The following RNF217 variants were observed in gnomAD, a reference collection of about 807,000 sequenced individuals.
RNF217 encodes E3 ubiquitin-protein ligase RNF217.
In RNF217, 31 loss-of-function variants were observed where a neutral mutation model predicts 57.8. The ratio of observed to expected loss-of-function variants is 0.54; its 90% CI spans 0.40 to 0.72. RNF217 has a LOEUF of 0.72. RNF217 is among the 30% of genes least tolerant of loss of function. RNF217 has a pLI of 0.00. For synonymous variants in RNF217, 313 were observed against 294.0 expected (o/e 1.06, Z -0.66); for missense variants, 696 against 708.3 (o/e 0.98, Z 0.20).
chr6:125,000,079 C>T (rs1484433962), intron 1 of RNF217, among the ~76,000 whole-genome samples: 4 of 152,030 alleles, frequency 2.6e-5, no homozygotes, highest in African/African-American at 9.7e-5. Context: ...GCTAGAGAAA[C>T]CTTGGCTTAT....
At chr6:125,046,851 T>G (rs990769984) in intron 2 of RNF217, among the ~76,000 whole-genome samples, 1 of 152,056 alleles carries the variant, frequency 6.6e-6, no homozygotes, top group South Asian at 2.1e-4. Context: ...ATAGTTAATT[T>G]ATTTACTGTT....
chr6:125,080,850 A>G (rs1788548462), intron 4 of RNF217, among the ~76,000 whole-genome samples: 1 of 152,108 alleles, frequency 6.6e-6, no homozygotes, highest in Non-Finnish European at 1.5e-5. Context: ...CACTTGAGTA[A>G]CTTTCAACGT....
chr6:125,057,966 G>A lies in RNF217; in HGVS notation c.1141G>A (p.Val381Ile), dbSNP rs475076. 6,724 of 1,610,232 alleles carry A rather than the reference G, an allele frequency of 4.2e-3. 210 individuals carry two copies. The African/African-American group carries it at 0.075, about 18-fold the overall frequency. ...YKIQCPTCQFVWCFKCHSPWH... is the reference protein window; with the variant it reads ...YKIQCPTCQFIWCFKCHSPWH... ...GATCCAGTGCCCTACCTGCCAATTC[G>A]TCTGGTGTTTTAAGTGCCACTCTCC... Residue 381 changes from valine to isoleucine, a missense_variant, in exon 3 of 6, where the codon GTC becomes ATC. Physicochemically the swap from Val to Ile is conservative, Grantham distance 29 (BLOSUM62 3). Coordinates refer to ENST00000521654, the MANE Select transcript of RNF217 (RefSeq NM_001286398.3).
At position 125,086,094 on chromosome 6, in the gene RNF217, A is replaced by C. The variant is rs1416850631; in HGVS notation, c.*3157A>C. 1 of 152,014 alleles carries C rather than the reference A, an allele frequency of 6.6e-6. No individual in the cohort carries two copies. The highest frequency in any genetic ancestry group is 1.9e-4 in the East Asian group (1 of 5,180). The allele number at this position is 152,014 out of a possible 1,614,324, so 9.4% of individuals were successfully genotyped here. A position where few individuals can be genotyped will look rare whatever the true frequency, so the allele number is the denominator to read the frequency against. On this transcript the variant is annotated 3_prime_UTR_variant, in exon 6 of 6. Coordinates refer to ENST00000521654, the MANE Select transcript of RNF217 (RefSeq NM_001286398.3). The stretch of plus-strand genomic sequence containing the variant: ...TGTCACCTTGCATGAACATATCCAT[A>C]AGGTTGTACATTTGTTTTTTACAAG...
At chr6:125,006,585 A>G (rs1014526648) in intron 1 of RNF217, among the ~76,000 whole-genome samples, 5 of 152,268 alleles carry the variant, frequency 3.3e-5, no homozygotes, top group Non-Finnish European at 5.9e-5. Flanking sequence ...GAGCAAATAT[A>G]TAACAACCTA....
chr6:125,038,626 A>T (rs1320799866), intron 1 of RNF217, among the ~76,000 whole-genome samples: 1 of 152,140 alleles, frequency 6.6e-6, no homozygotes, highest in Non-Finnish European at 1.5e-5. Context: ...TTTTTAAACT[A>T]TTGGGTAAAT....
At chr6:125,073,177 A>G (rs1788216076) in intron 3 of RNF217, among the ~76,000 whole-genome samples, 2 of 152,218 alleles carry the variant, frequency 1.3e-5, no homozygotes, top group African/African-American at 4.8e-5. Flanking sequence ...GTCTTCAAAT[A>G]TGTCCTAGTG....
intron 1 of RNF217, among the ~76,000 whole-genome samples, chr6:124,984,541 C>CAAAAAAAAA (rs750251821): frequency 1.3e-5 from 1 of 74,206 alleles, no homozygotes. Context: ...GACCCTTTCT[C>CAAAAAAAAA]AAAAAAAAAA....
chr6:125,044,008 C>G (rs922921696), intron 1 of RNF217, among the ~76,000 whole-genome samples: 66 of 152,018 alleles, frequency 4.3e-4, no homozygotes, highest in Non-Finnish European at 1.5e-4. Context: ...ACTACCTTAC[C>G]TCAAGTTTGT....
At chr6:125,043,710 T>C (rs1232678465) in intron 1 of RNF217, among the ~76,000 whole-genome samples, 1 of 152,066 alleles carries the variant, frequency 6.6e-6, no homozygotes, top group African/African-American at 2.4e-5. Context: ...TGAATTATAA[T>C]AGCATCGTAA....
chr6:125,000,393 TATG>T (rs1186140957), intron 1 of RNF217, among the ~76,000 whole-genome samples: 10 of 152,092 alleles, frequency 6.6e-5, no homozygotes, highest in African/African-American at 2.2e-4. Flanking sequence ...CATAATGTTA[TATG>T]ATATGTTATA....
At chr6:125,055,344 C>T (rs1188297473) in intron 2 of RNF217, among the ~76,000 whole-genome samples, 1 of 152,110 alleles carries the variant, frequency 6.6e-6, no homozygotes, top group East Asian at 1.9e-4. Flanking sequence ...ATAGGATCTG[C>T]AGTAGGACTT....
chr6:124,962,617 G>A lies in RNF217; in HGVS notation c.73G>A (p.Ala25Thr). 1 of 1,315,436 alleles carries A rather than the reference G, an allele frequency of 7.6e-7. No individual in the cohort carries two copies. The highest frequency in any genetic ancestry group is 9.6e-7 in the Non-Finnish European group (1 of 1,041,314). The allele number at this position is 1,315,436 out of a possible 1,614,324, so 81.5% of individuals were successfully genotyped here. A position where few individuals can be genotyped will look rare whatever the true frequency, so the allele number is the denominator to read the frequency against. ...GTCGCAGACCCTGGCCAGTGGCACT[G>A]CGGGCCACCCTGAGCCCCCGAGGCC... is the stretch of plus-strand genomic sequence containing the variant. ...QESQTLASGT[A>T]GHPEPPRPQG... The change falls in exon 1 of 6, where the codon GCG becomes ACG. Residue 25 changes from alanine (A) to threonine (T), a missense_variant. Physicochemically the swap from Ala to Thr is moderately conservative, Grantham distance 58. Around this residue, in one of 2 missense-constraint regions of RNF217, gnomAD observed 465 missense variants for 386.8 expected, o/e 1.20. Transcript: ENST00000521654. The surrounding 1 kb of genome is among the most constrained non-coding windows in gnomAD (Gnocchi z 4.6).
intron 1 of RNF217, among the ~76,000 whole-genome samples, chr6:125,027,660 G>T (rs930137346): frequency 1.3e-5 from 2 of 152,128 alleles, no homozygotes; most frequent in African/African-American, 4.8e-5. Flanking sequence ...TCTCTTTTGG[G>T]TATATACCCA....
chr6:125,027,134 T>C (rs576477143), intron 1 of RNF217, among the ~76,000 whole-genome samples: 53 of 152,208 alleles, frequency 3.5e-4, no homozygotes, highest in African/African-American at 1.2e-3. Context: ...TCCCCTCAAG[T>C]ATTTATCCTT....
At chr6:125,013,550 GAA>G (rs142124188) in intron 1 of RNF217, among the ~76,000 whole-genome samples, 1 of 145,666 alleles carries the variant, frequency 6.9e-6, no homozygotes, top group Non-Finnish European at 1.5e-5. Flanking sequence ...ATATGTCTGG[GAA>G]AAAAAAAAAA....
intron 1 of RNF217, among the ~76,000 whole-genome samples, chr6:125,021,280 T>G (rs910276701): frequency 2.6e-5 from 4 of 151,772 alleles, no homozygotes; most frequent in Non-Finnish European, 5.9e-5. Context: ...TTTTTTTTTT[T>G]TTTTGAGACG....
At chr6:125,034,524 C>G (rs1033763255) in intron 1 of RNF217, among the ~76,000 whole-genome samples, 5 of 152,032 alleles carry the variant, frequency 3.3e-5, no homozygotes, top group African/African-American at 1.2e-4. Flanking sequence ...GACATTATTT[C>G]TGAGGGCTCT....
chr6:125,041,850 T>C (rs537303099), intron 1 of RNF217, among the ~76,000 whole-genome samples: 3 of 152,172 alleles, frequency 2.0e-5, no homozygotes, highest in South Asian at 4.2e-4. Context: ...AAAAACCACA[T>C]TTCACTGAAA....
Sources: gnomAD v4.1 joint callset for allele counts (sites outside exome capture counted in the v4.1 genomes callset) on GRCh38, gnomAD v4.1.1 for gene constraint, gnomAD v4.1.1 regional missense constraint, Gnocchi (gnomAD v3.1) non-coding constraint, MANE v1.5 for transcripts, NCBI Gene and HGNC (gene_info 2026-07-23, HGNC 2026-07-21) for gene names.